The following XKR6 variants were observed in gnomAD, a reference collection of about 807,000 sequenced individuals.
XKR6 encodes the protein XK related 6, also known as XK-related protein 6.
In XKR6, 22 loss-of-function variants were observed where a neutral mutation model predicts 56.7. The observed-to-expected ratio is 0.39, with a 90% CI of 0.28 to 0.55. The LOEUF (loss-of-function observed/expected upper bound fraction) is 0.55, where lower values mean the gene tolerates loss of function less well. Ranked by LOEUF, XKR6 falls within the 20% of genes least tolerant of loss-of-function variation. The pLI, the probability that XKR6 is intolerant of heterozygous loss-of-function variation, is 0.66. For synonymous variants in XKR6, 524 were observed against 387.8 expected, an observed-to-expected ratio of 1.35 and a Z score of -4.13; for missense variants, 852 against 889.0, an observed-to-expected ratio of 0.96 and a Z score of 0.53.
intron 2 of XKR6, among the ~76,000 whole-genome samples, chr8:10,899,666 G>A (rs1205282805): frequency 2.0e-5 from 3 of 152,272 alleles, no homozygotes; most frequent in Middle Eastern, 3.4e-3. Context: ...GTCCTTCTCT[G>A]GTTGCCCTCT....
chr8:10,974,350 T>G (rs1461622696), intron 1 of XKR6, among the ~76,000 whole-genome samples: 1 of 152,198 alleles, frequency 6.6e-6, no homozygotes, highest in Non-Finnish European at 1.5e-5. Context: ...ACAGTCACAG[T>G]GAGACCATTG....
Position 11,200,755 on chromosome 8 carries a change from G to C in XKR6, c.585C>G (p.Ala195=). 2.5e-6 allele frequency: 4 copies of C among 1,597,528 alleles called. No individual in the cohort carries two copies. The highest frequency in any genetic ancestry group is 1.7e-4 in the Middle Eastern group (1 of 6,012). The change falls in exon 1 of 3, where the codon GCC becomes GCG. Residue 195 remains alanine (A), a synonymous_variant. Coordinates refer to ENST00000416569, the MANE Select transcript of XKR6 (RefSeq NM_173683.4). This position sits in a 1 kb window ranked among gnomAD's most constrained non-coding sequence, Gnocchi z 6.4. ...GGCCCCGGCTGGTGAGCCCCTCCACGGCGCCCAGCCCGCCGCCCGTGTAGT... is the reference window on the plus strand; with the variant it reads ...GGCCCCGGCTGGTGAGCCCCTCCACCGCGCCCAGCCCGCCGCCCGTGTAGT... ...VQDYTGGGLG[A]VEGLTSRGPP...
In XKR6 at chr8:10,954,866, C is replaced by CTTTT. The variant is rs34248780; in HGVS notation, c.765-30040_765-30037dup. ...TAAGGTAAGGGTCTAACTTCATTCT[C>CTTTT]TTTTTTTTTTTTTTTTTTTTAGACA... is the stretch of plus-strand genomic sequence containing the variant. On this transcript the variant is annotated intron_variant, in intron 1 of 2. Transcript: ENST00000416569. Among the ~76,000 whole-genome samples, 896 of 92,338 alleles carry CTTTT rather than the reference C, an allele frequency of 9.7e-3. 41 individuals are homozygous for CTTTT. The highest frequency in any genetic ancestry group is 0.02 in the African/African-American group (472 of 23,116). The allele number at this position is 92,338 out of a possible 152,430, so 60.6% of individuals were successfully genotyped here.
chr8:11,168,385 G>A (rs1279976645), intron 1 of XKR6, among the ~76,000 whole-genome samples: 1 of 152,142 alleles, frequency 6.6e-6, no homozygotes, highest in Non-Finnish European at 1.5e-5. Flanking sequence ...CAAACATAGA[G>A]TCCCAAAATA....
chr8:10,982,435 A>G (rs1797756740), intron 1 of XKR6, among the ~76,000 whole-genome samples: 1 of 152,206 alleles, frequency 6.6e-6, no homozygotes. Context: ...AAAATGAGAA[A>G]GCACAATGCT....
intron 1 of XKR6, among the ~76,000 whole-genome samples, chr8:11,015,137 G>A (rs576604991): frequency 6.6e-6 from 1 of 151,952 alleles, no homozygotes; most frequent in Non-Finnish European, 1.5e-5. Context: ...GCCTCTGATC[G>A]CGTGATATGG....
chr8:11,187,676 G>A (rs1433621410), intron 1 of XKR6, among the ~76,000 whole-genome samples: 6 of 152,146 alleles, frequency 3.9e-5, no homozygotes, highest in Non-Finnish European at 5.9e-5. Flanking sequence ...CCTTCCTTTT[G>A]TGCAAGCAGT....
At position 11,009,535 on chromosome 8, in the gene XKR6, AAT is replaced by A. The variant is rs552774047; in HGVS notation, c.765-84707_765-84706del. ...AAAAAAAGGCAAAACACAACCAAAA[AAT>A]AGTTATAGGTTTGATGGAGATAGCA... On this transcript the variant is annotated intron_variant, in intron 1 of 2. Coordinates refer to ENST00000416569, the MANE Select transcript of XKR6 (RefSeq NM_173683.4). 3.7e-4 allele frequency among the ~76,000 whole-genome samples: 57 copies of A among 152,326 alleles called. 1 individual carries two copies. The South Asian group carries it at 7.3e-3, about 19-fold the overall frequency.
At chr8:10,986,738 T>C (rs558228036) in intron 1 of XKR6, among the ~76,000 whole-genome samples, 1 of 152,170 alleles carries the variant, frequency 6.6e-6, no homozygotes, top group Non-Finnish European at 1.5e-5. Flanking sequence ...TCCTTATCTA[T>C]GAAGTAAGAA....
intron 2 of XKR6, among the ~76,000 whole-genome samples, chr8:10,918,670 T>A (rs1800629781): frequency 6.6e-6 from 1 of 152,236 alleles, no homozygotes; most frequent in Admixed American, 6.5e-5. Flanking sequence ...ATGGCACCTA[T>A]GTTTGTGCAG....
intron 1 of XKR6, among the ~76,000 whole-genome samples, chr8:11,188,174 A>T (rs1348570695): frequency 2.0e-5 from 3 of 152,206 alleles, no homozygotes; most frequent in Non-Finnish European, 4.4e-5. Context: ...AAGCAAAAAA[A>T]TACACTTCAA....
intron 1 of XKR6, among the ~76,000 whole-genome samples, chr8:10,976,602 G>T (rs547165517): frequency 1.3e-5 from 2 of 152,276 alleles, no homozygotes; most frequent in South Asian, 2.1e-4. Flanking sequence ...GTCACAGGAG[G>T]GTGAGAAAGA....
chr8:10,963,773 G>A (rs1802134321), intron 1 of XKR6, among the ~76,000 whole-genome samples: 1 of 152,068 alleles, frequency 6.6e-6, no homozygotes, highest in South Asian at 2.1e-4. Flanking sequence ...TGAACCCCTG[G>A]ATTCAAGCAA....
chr8:11,138,138 A>G (rs1299642829), intron 1 of XKR6: 1 of 162,226 alleles, frequency 6.2e-6, no homozygotes, highest in Non-Finnish European at 1.3e-5. Flanking sequence ...ACCTGACTTT[A>G]AGACCCATTC....
At chr8:11,184,378 TATACACACATACACAC>T (rs1233203201) in intron 1 of XKR6, among the ~76,000 whole-genome samples, 2 of 137,486 alleles carry the variant, frequency 1.5e-5, no homozygotes, top group African/African-American at 6.2e-5. Context: ...TATATATATA[TATACACACATACACAC>T]ACACACACAC....
intron 1 of XKR6, among the ~76,000 whole-genome samples, chr8:11,060,470 CT>C (rs201935819): frequency 0.014 from 2,165 of 152,364 alleles, 30 homozygotes; most frequent in Non-Finnish European, 0.023. Flanking sequence ...GGGGTGCTCC[CT>C]GTACTCCCAG....
chr8:11,178,108 A>G (rs1302769611), intron 1 of XKR6, among the ~76,000 whole-genome samples: 2 of 152,176 alleles, frequency 1.3e-5, no homozygotes, highest in Non-Finnish European at 2.9e-5. Flanking sequence ...AACTCCAGGC[A>G]GAAGAGGCAC....
intron 1 of XKR6, chr8:11,062,943 G>A (rs1190615530): frequency 6.9e-6 from 3 of 433,760 alleles, no homozygotes; most frequent in East Asian, 1.4e-4. Context: ...TCATGCATTG[G>A]CTAGAAGTGA....
intron 1 of XKR6, chr8:11,105,221 A>G (rs1038209781): frequency 6.6e-6 from 1 of 152,232 alleles, no homozygotes; most frequent in African/African-American, 2.4e-5. Context: ...TTCACAAACC[A>G]GTAAAAAAGA....
Sources: allele counts gnomAD v4.1 joint callset (sites outside exome capture counted in the v4.1 genomes callset), GRCh38; gene constraint gnomAD v4.1.1; non-coding constraint Gnocchi (gnomAD v3.1); transcripts MANE v1.5; gene names NCBI Gene and HGNC (gene_info 2026-07-23, HGNC 2026-07-21).